Variants in SLCO6A1 observed in about 807,000 individuals in gnomAD.
SLCO6A1 encodes cancer/testis antigen 48.
Under a neutral mutation model 72.7 loss-of-function variants are expected in SLCO6A1, and 65 were observed. The observed-to-expected ratio is 0.89, with a 90% CI of 0.73 to 1.10. SLCO6A1 has a LOEUF of 1.10. SLCO6A1 is among the 50% of genes least tolerant of loss of function. SLCO6A1 has a pLI of 0.00. For synonymous variants in SLCO6A1, 314 were observed against 298.2 expected (o/e 1.05, Z -0.55); for missense variants, 874 against 872.6 (o/e 1.00, Z -0.02).
At chr5:102,456,813 GA>G (rs1750745114) in intron 6 of SLCO6A1, among the ~76,000 whole-genome samples, 1 of 152,104 alleles carries the variant, frequency 6.6e-6, no homozygotes, top group Non-Finnish European at 1.5e-5. Flanking sequence ...TAAGCCAAAA[GA>G]ACAAAGCTGG....
intron 1 of SLCO6A1, among the ~76,000 whole-genome samples, chr5:102,486,640 T>C (rs1752452847): frequency 1.3e-5 from 2 of 152,120 alleles, no homozygotes. Context: ...AACTTGAACA[T>C]GAATAAATGT....
intron 3 of SLCO6A1, 58 bp downstream of exon 3, chr5:102,477,618 A>G: frequency 6.8e-7 from 1 of 1,467,940 alleles, no homozygotes; most frequent in South Asian, 1.3e-5. Flanking sequence ...AGATATGCAT[A>G]CCAAAATTCA....
At chr5:102,395,272 T>C (rs1013957211) in intron 10 of SLCO6A1, among the ~76,000 whole-genome samples, 2 of 152,054 alleles carry the variant, frequency 1.3e-5, no homozygotes, top group South Asian at 2.1e-4. Context: ...TTCCCACCTA[T>C]GAGTGAGAAC....
intron 12 of SLCO6A1, among the ~76,000 whole-genome samples, chr5:102,381,575 C>T (rs1231214695): frequency 6.6e-6 from 1 of 151,718 alleles, no homozygotes; most frequent in African/African-American, 2.4e-5. Context: ...GATTTCATTA[C>T]CTTTGGATAT....
At position 102,438,673 on chromosome 5, in the gene SLCO6A1, G is replaced by C; in HGVS notation, c.1220C>G (p.Pro407Arg). The change falls in exon 7 of 14, where the codon CCT becomes CGT. Residue 407 changes from proline to arginine, a missense_variant. Coordinates refer to ENST00000506729, the MANE Select transcript of SLCO6A1 (RefSeq NM_173488.5). ...TATAAACTGATTTTCTAAATATATA[G>C]GCAAAAATTCAGAAGCTCCAATAAT... ...LVIIGASEFL[P>R]IYLENQFILT... 1.2e-6 allele frequency: 2 copies of C among 1,600,216 alleles called. No individual in the cohort carries two copies. The highest frequency in any genetic ancestry group is 4.5e-5 in the East Asian group (2 of 44,122).
At chr5:102,446,752 C>CATTTTTT (rs1750130579) in intron 6 of SLCO6A1, among the ~76,000 whole-genome samples, 1 of 150,494 alleles carries the variant, frequency 6.6e-6, no homozygotes, top group Non-Finnish European at 1.5e-5. Context: ...TTTGTTGAAA[C>CATTTTTT]GTTTTTTGTT....
intron 10 of SLCO6A1, among the ~76,000 whole-genome samples, chr5:102,392,510 A>G (rs1352102399): frequency 6.6e-6 from 1 of 152,074 alleles, no homozygotes; most frequent in Non-Finnish European, 1.5e-5. Flanking sequence ...ATTCATAAGT[A>G]TAATCATTAA....
chr5:102,475,339 C>T (rs1285754271), intron 4 of SLCO6A1, among the ~76,000 whole-genome samples: 1 of 151,892 alleles, frequency 6.6e-6, no homozygotes, highest in South Asian at 2.1e-4. Flanking sequence ...ATAAGCCAAT[C>T]ACAAAAAGAA....
chr5:102,378,095 T>C (rs1745906107), intron 12 of SLCO6A1, among the ~76,000 whole-genome samples: 2 of 152,062 alleles, frequency 1.3e-5, no homozygotes, highest in East Asian at 1.9e-4. Context: ...AAATGGAATT[T>C]TGTAGAAATT....
intron 12 of SLCO6A1, among the ~76,000 whole-genome samples, chr5:102,382,744 C>A (rs1746178350): frequency 6.6e-6 from 1 of 151,204 alleles, no homozygotes; most frequent in African/African-American, 2.4e-5. Flanking sequence ...TTTGACACTA[C>A]CATAAATGGG....
At chr5:102,487,996 A>G (rs1349193007) in intron 1 of SLCO6A1, among the ~76,000 whole-genome samples, 1 of 152,212 alleles carries the variant, frequency 6.6e-6, no homozygotes, top group East Asian at 1.9e-4. Flanking sequence ...ACTATTAATA[A>G]TAATACTTAG....
At chr5:102,490,172 CACAG>C (rs1752610076) in intron 1 of SLCO6A1, among the ~76,000 whole-genome samples, 1 of 152,100 alleles carries the variant, frequency 6.6e-6, no homozygotes, top group East Asian at 1.9e-4. Flanking sequence ...TGCTCTGTTG[CACAG>C]TAGGGTGACT....
chr5:102,428,567 A>G (rs1337997442), intron 7 of SLCO6A1, among the ~76,000 whole-genome samples: 1 of 152,120 alleles, frequency 6.6e-6, no homozygotes, highest in Non-Finnish European at 1.5e-5. Flanking sequence ...CTTGTGTCAC[A>G]AGGGTTTGTT....
chr5:102,469,932 G>A (rs559209940), intron 4 of SLCO6A1, among the ~76,000 whole-genome samples: 9 of 152,158 alleles, frequency 5.9e-5, no homozygotes, highest in Admixed American at 2.0e-4. Context: ...GGCTTTTGTC[G>A]TTGGTTCTGT....
In SLCO6A1 at chr5:102,480,172, C is replaced by T; in HGVS notation, c.616+5G>A. 1 of 1,600,250 alleles carries T rather than the reference C, an allele frequency of 6.2e-7. No homozygotes were observed. Among genetic ancestry groups the T allele is most frequent in the Non-Finnish European group, 8.5e-7 (1 of 1,173,334 alleles). ...GATGTATGACAGTATATTTTAAAACCTTACCTTCAATTCCTACCTTACTTT... is the reference window on the plus strand; with the variant it reads ...GATGTATGACAGTATATTTTAAAACTTTACCTTCAATTCCTACCTTACTTT... On this transcript the variant is annotated splice_donor_5th_base_variant and intron_variant, in intron 2 of 13. Transcript: ENST00000506729.
chr5:102,431,093 T>C (rs1213619731), intron 7 of SLCO6A1, among the ~76,000 whole-genome samples: 1 of 152,180 alleles, frequency 6.6e-6, no homozygotes, highest in Non-Finnish European at 1.5e-5. Flanking sequence ...AAGGTGCTCA[T>C]AGTAGTCTCT....
rs74517869 is a variant in SLCO6A1, at chr5:102,452,541, T to C, written c.1131+5841A>G. On this transcript the variant is annotated intron_variant, in intron 6 of 13. Coordinates refer to ENST00000506729, the MANE Select transcript of SLCO6A1 (RefSeq NM_173488.5). Reference sequence around the variant, plus strand: ...CATAAAAATGTTAAATATTTTGTATTTGTTTCAGCTTTTATACTTTATTTT... The same window carrying C: ...CATAAAAATGTTAAATATTTTGTATCTGTTTCAGCTTTTATACTTTATTTT... Among the ~76,000 whole-genome samples the C allele has an allele frequency of 4.6e-5, 7 of 152,176 alleles. No individual in the cohort carries two copies. In the East Asian group the frequency reaches 1.3e-3, roughly 29 times the overall value.
chr5:102,423,912 TAACA>T (rs1290948423), intron 7 of SLCO6A1, among the ~76,000 whole-genome samples: 7 of 152,170 alleles, frequency 4.6e-5, no homozygotes, highest in Non-Finnish European at 8.8e-5. Context: ...ATGGAAATCA[TAACA>T]AACAGTCTCT....
chr5:102,492,232 A>G (rs1322877078), intron 1 of SLCO6A1, among the ~76,000 whole-genome samples: 2 of 152,204 alleles, frequency 1.3e-5, no homozygotes, highest in Non-Finnish European at 2.9e-5. Context: ...ACTCTATTGG[A>G]AAGAATGGAC....
Sources: gnomAD v4.1 joint callset for allele counts (sites outside exome capture counted in the v4.1 genomes callset) on GRCh38, gnomAD v4.1.1 for gene constraint, MANE v1.5 for transcripts, NCBI Gene and HGNC (gene_info 2026-07-23, HGNC 2026-07-21) for gene names.